The following KCTD16 variants were observed in gnomAD, a reference collection of about 807,000 sequenced individuals.
KCTD16 encodes potassium channel tetramerization domain containing 16.
In KCTD16, 13 loss-of-function variants were observed where a neutral mutation model predicts 33.2. That is an observed-to-expected ratio of 0.39 (90% CI 0.25 to 0.62). KCTD16 has a LOEUF of 0.62. Ranked by LOEUF, KCTD16 falls within the 20% of genes least tolerant of loss-of-function variation. KCTD16 has a pLI of 0.50. For synonymous variants in KCTD16, 197 were observed against 195.3 expected, an observed-to-expected ratio of 1.01 and a Z score of -0.07; for missense variants, 441 against 525.1, an observed-to-expected ratio of 0.84 and a Z score of 1.57.
intron 3 of KCTD16, among the ~76,000 whole-genome samples, chr5:144,210,779 C>T (rs1032184752): frequency 8.5e-5 from 13 of 152,086 alleles, no homozygotes; most frequent in African/African-American, 3.1e-4. Context: ...GAAGATTGTT[C>T]TTGGTTGGAG....
intron 3 of KCTD16, among the ~76,000 whole-genome samples, chr5:144,345,505 A>T (rs1017953027): frequency 1.3e-5 from 2 of 152,098 alleles, no homozygotes; most frequent in African/African-American, 4.8e-5. Context: ...TTTATCTTTT[A>T]TTCTTATCCA....
chr5:144,391,842 T>G (rs899876265), intron 3 of KCTD16, among the ~76,000 whole-genome samples: 3 of 152,234 alleles, frequency 2.0e-5, no homozygotes, highest in Non-Finnish European at 4.4e-5. Flanking sequence ...AAATGTTAAC[T>G]GATCTGATGA....
At chr5:144,350,241 C>T (rs1003497659) in intron 3 of KCTD16, among the ~76,000 whole-genome samples, 2 of 152,008 alleles carry the variant, frequency 1.3e-5, no homozygotes, top group Non-Finnish European at 2.9e-5. Flanking sequence ...CATGGTAATG[C>T]CTGTTTTTAG....
intron 3 of KCTD16, among the ~76,000 whole-genome samples, chr5:144,468,391 A>T (rs1025041230): frequency 3.3e-5 from 5 of 152,142 alleles, no homozygotes; most frequent in Non-Finnish European, 7.4e-5. Flanking sequence ...ACTCTGATGG[A>T]TGCGTGGCTA....
chr5:144,339,059 G>A (rs1453175401), intron 3 of KCTD16, among the ~76,000 whole-genome samples: 1 of 151,698 alleles, frequency 6.6e-6, no homozygotes, highest in African/African-American at 2.4e-5. Context: ...CCACACACAG[G>A]ACAACTGTTT....
chr5:144,345,423 C>T (rs1047333432), intron 3 of KCTD16, among the ~76,000 whole-genome samples: 1 of 152,116 alleles, frequency 6.6e-6, no homozygotes, highest in African/African-American at 2.4e-5. Flanking sequence ...AGTTTATAGG[C>T]TGCCTACATA....
At chr5:144,372,567 G>T (rs1751993291) in intron 3 of KCTD16, among the ~76,000 whole-genome samples, 1 of 152,114 alleles carries the variant, frequency 6.6e-6, no homozygotes, top group African/African-American at 2.4e-5. Context: ...GAGAGTTTAG[G>T]GAAGAAGCCT....
At chr5:144,213,764 T>C (rs1305491542) in intron 3 of KCTD16, among the ~76,000 whole-genome samples, 1 of 152,188 alleles carries the variant, frequency 6.6e-6, no homozygotes, top group African/African-American at 2.4e-5. Context: ...TCTGAATCAA[T>C]AGCTATTGGG....
chr5:144,472,525 G>A (rs1754500186), intron 3 of KCTD16, among the ~76,000 whole-genome samples: 1 of 152,160 alleles, frequency 6.6e-6, no homozygotes, highest in Non-Finnish European at 1.5e-5. Context: ...AAATGACACA[G>A]AATATAGTTT....
chr5:144,271,314 G>A (rs1217906232), intron 3 of KCTD16, among the ~76,000 whole-genome samples: 1 of 151,904 alleles, frequency 6.6e-6, no homozygotes, highest in African/African-American at 2.4e-5. Context: ...CTTTGATCAA[G>A]TATGATTTAT....
chr5:144,329,370 A>G (rs532517983), intron 3 of KCTD16, among the ~76,000 whole-genome samples: 2 of 152,264 alleles, frequency 1.3e-5, no homozygotes, highest in Non-Finnish European at 2.9e-5. Flanking sequence ...TAAAGAGGAG[A>G]TGGTCCTCCT....
At chr5:144,213,495 A>C (rs1753464450) in intron 3 of KCTD16, among the ~76,000 whole-genome samples, 2 of 149,148 alleles carry the variant, frequency 1.3e-5, no homozygotes, top group South Asian at 4.2e-4. Context: ...AATATCTTGC[A>C]TTCTGGGTTT....
chr5:144,361,564 C>CT lies in KCTD16; in HGVS notation c.833-112093dup, dbSNP rs138750258. Among the ~76,000 whole-genome samples the CT allele has an allele frequency of 1.4e-4, 22 of 152,296 alleles. No individual in the cohort carries two copies. In the East Asian group the frequency reaches 3.9e-3, roughly 27 times the overall value. ...AAACTCTGTGTTTCAAAAATAAATTCTTTCATGAAAATATACAAATATACA... is the reference window on the plus strand; with the variant it reads ...AAACTCTGTGTTTCAAAAATAAATTCTTTTCATGAAAATATACAAATATACA... On this transcript the variant is annotated intron_variant, in intron 3 of 3. Transcript: ENST00000512467.
At chr5:144,289,186 A>G (rs1755829076) in intron 3 of KCTD16, among the ~76,000 whole-genome samples, 1 of 152,212 alleles carries the variant, frequency 6.6e-6, no homozygotes, top group Non-Finnish European at 1.5e-5. Flanking sequence ...GTGTTGGAAG[A>G]TGAAGAAAAA....
intron 3 of KCTD16, among the ~76,000 whole-genome samples, chr5:144,256,579 A>G (rs1754853769): frequency 6.6e-6 from 1 of 151,538 alleles, no homozygotes; most frequent in Non-Finnish European, 1.5e-5. Flanking sequence ...AAAGACTAGT[A>G]GCTGATACCT....
chr5:144,237,705 G>A (rs533430946), intron 3 of KCTD16, among the ~76,000 whole-genome samples: 1 of 152,198 alleles, frequency 6.6e-6, no homozygotes, highest in East Asian at 1.9e-4. Context: ...GATTAGTCTT[G>A]AAGAAAATGG....
intron 3 of KCTD16, among the ~76,000 whole-genome samples, chr5:144,337,361 G>A (rs770215077): frequency 3.9e-5 from 6 of 152,038 alleles, no homozygotes; most frequent in Non-Finnish European, 8.8e-5. Flanking sequence ...GGGTGTGAAC[G>A]TGCCAATTTC....
intron 3 of KCTD16, among the ~76,000 whole-genome samples, chr5:144,392,611 T>G (rs1752474935): frequency 6.6e-6 from 1 of 152,198 alleles, no homozygotes; most frequent in South Asian, 2.1e-4. Flanking sequence ...GCCTTGCTAC[T>G]GTTTACCATG....
At chr5:144,341,963 A>G (rs2126899430) in intron 3 of KCTD16, among the ~76,000 whole-genome samples, 1 of 152,200 alleles carries the variant, frequency 6.6e-6, no homozygotes, top group Middle Eastern at 3.4e-3. Flanking sequence ...TTTCAGTAGT[A>G]CATTATTGCT....
Sources: gnomAD v4.1 joint callset for allele counts (sites outside exome capture counted in the v4.1 genomes callset) on GRCh38, gnomAD v4.1.1 for gene constraint, MANE v1.5 for transcripts, NCBI Gene and HGNC (gene_info 2026-07-23, HGNC 2026-07-21) for gene names.